TRMT2B: variants seen among roughly 807,000 people sequenced by gnomAD.
TRMT2B encodes the protein tRNA methyltransferase 2B.
In TRMT2B, 34 loss-of-function variants were observed where a neutral mutation model predicts 39.7. The ratio of observed to expected loss-of-function variants is 0.86; its 90% CI spans 0.65 to 1.14. The LOEUF (loss-of-function observed/expected upper bound fraction) is 1.14, where lower values mean the gene tolerates loss of function less well. Ranked by LOEUF, TRMT2B falls within the 50% of genes most tolerant of loss-of-function variation. The pLI is 0.00. For missense variants in TRMT2B, 318 were observed against 377.2 expected (o/e 0.84, Z 1.30); for synonymous variants, 132 against 137.3 (o/e 0.96, Z 0.27).
chrX:100,988,970 C>T, the TRMT2B span, among the ~76,000 whole-genome samples: 1 of 105,850 alleles, frequency 9.4e-6, no homozygotes, highest in South Asian at 4.2e-4. Flanking sequence ...ACCCAAAAAA[C>T]GATGCTCAAG....
chrX:100,986,937 A>G, the TRMT2B span: 1 of 996,112 alleles, frequency 1.0e-6, no homozygotes, highest in East Asian at 3.1e-5. Flanking sequence ...CTTCCTCTGG[A>G]GCCCAGCTGA....
chrX:101,042,143 C>T lies in TRMT2B; in HGVS notation c.147G>A (p.Lys49=), dbSNP rs898238838. 3.3e-6 allele frequency: 4 copies of T among 1,210,668 alleles called. No individual in the cohort carries two copies. In the African/African-American group the frequency reaches 7.0e-5, roughly 21 times the overall value. Residue 49 remains lysine, a synonymous_variant, in exon 3 of 14, where the codon AAG becomes AAA. Coordinates refer to ENST00000372936, the MANE Select transcript of TRMT2B (RefSeq NM_024917.6). ...TGGCTATCACACGGGTGAAATCTCC[C>T]TTACATACTGTGCCCAGAAAGAGCT... ...WSQLFLGTVC[K]GDFTRVIATK... is the part of the protein sequence containing the mutation.
the TRMT2B span, among the ~76,000 whole-genome samples, chrX:100,995,925 T>C: frequency 8.9e-6 from 1 of 112,020 alleles, no homozygotes; most frequent in African/African-American, 3.2e-5. Flanking sequence ...CACAGTTCTT[T>C]TACATTCCAC....
intron 13 of TRMT2B, among the ~76,000 whole-genome samples, chrX:101,011,850 C>T (rs1474442919): frequency 9.0e-6 from 1 of 111,560 alleles, no homozygotes; most frequent in African/African-American, 3.3e-5. Flanking sequence ...GCTGAGATCA[C>T]ACCACTATAC....
At chrX:101,041,135 T>G (rs1057303525) in intron 4 of TRMT2B, among the ~76,000 whole-genome samples, 182 bp downstream of exon 4, 10 of 110,603 alleles carry the variant, frequency 9.0e-5, no homozygotes, top group Non-Finnish European at 1.9e-4. Context: ...ACCTGGGAGG[T>G]GGAGGTTGTA....
In TRMT2B at chrX:101,021,300, G is replaced by A; in HGVS notation, c.867C>T (p.Cys289=). 8.3e-7 allele frequency: 1 copy of A among 1,208,815 alleles called. No individual in the cohort carries two copies. Among genetic ancestry groups the A allele is most frequent in the Non-Finnish European group, 1.1e-6 (1 of 893,461 alleles). The part of the protein sequence containing the change: ...LYFQESTMTR[C]SHQQSPYQLL... ...GCTGATAGGGAGACTGCTGATGGCT[G>A]CAACGGGTCATGGTACTGGAAAGGA... The change falls in exon 10 of 14, where the codon TGC becomes TGT. Residue 289 remains cysteine, a synonymous_variant. Coordinates refer to ENST00000372936, the MANE Select transcript of TRMT2B (RefSeq NM_024917.6).
intron 9 of TRMT2B, 70 bp from the exon 10 acceptor site, chrX:101,021,385 T>G (rs375679250): frequency 1.0e-6 from 1 of 983,744 alleles, no homozygotes; most frequent in African/African-American, 1.9e-5. Flanking sequence ...TCCCAGCACT[T>G]TGGGAGGCCG....
the TRMT2B span, among the ~76,000 whole-genome samples, chrX:100,995,875 A>G: frequency 1.3e-4 from 15 of 112,527 alleles, no homozygotes; most frequent in Admixed American, 1.3e-3. Context: ...GCATACATAT[A>G]AGAGCACTTC....
At chrX:100,989,333 C>T in the TRMT2B span, among the ~76,000 whole-genome samples, 1 of 111,202 alleles carries the variant, frequency 9.0e-6, no homozygotes, top group Admixed American at 9.6e-5. Flanking sequence ...TCTTTTTGGC[C>T]AGGCGTAGTG....
chrX:100,988,825 T>TTA, the TRMT2B span, among the ~76,000 whole-genome samples: 6 of 86,283 alleles, frequency 7.0e-5, no homozygotes, highest in African/African-American at 1.4e-4. Context: ...TACAAGAACT[T>TTA]TATATATATA....
the TRMT2B span, among the ~76,000 whole-genome samples, chrX:101,004,338 G>GA: frequency 2.8e-3 from 289 of 104,848 alleles, 2 homozygotes; most frequent in African/African-American, 9.0e-3. Context: ...CTATCACACA[G>GA]AAAAAAAAAA....
intron 6 of TRMT2B, 88 bp downstream of exon 6, chrX:101,036,886 A>G: frequency 1.4e-6 from 1 of 707,790 alleles, no homozygotes; most frequent in Non-Finnish European, 2.2e-6. Context: ...CTTCTTCTTT[A>G]AGGCCACCGT....
chrX:101,034,824 G>A (rs539685670), intron 7 of TRMT2B, among the ~76,000 whole-genome samples: 8 of 110,799 alleles, frequency 7.2e-5, no homozygotes, highest in African/African-American at 2.6e-4. Context: ...TTGAGGTCAG[G>A]AGTTCAAGAC....
At chrX:101,015,687 T>C in intron 13 of TRMT2B, 1 of 684,890 alleles carries the variant, frequency 1.5e-6, no homozygotes, top group Non-Finnish European at 1.7e-6. Flanking sequence ...TGCAAATTAT[T>C]TTCCAGTTTG....
the TRMT2B span, chrX:100,988,609 A>G: frequency 1.2e-6 from 1 of 850,128 alleles, no homozygotes; most frequent in Non-Finnish European, 1.5e-6. Flanking sequence ...GCCTTCCCTA[A>G]CAATTTCTAC....
chrX:100,991,899 A>G, the TRMT2B span, among the ~76,000 whole-genome samples: 32 of 104,183 alleles, frequency 3.1e-4, no homozygotes, highest in Non-Finnish European at 6.1e-4. Context: ...GGCAGTTTCC[A>G]GAGGACAGGA....
chrX:101,021,696 T>C (rs1401076996), intron 9 of TRMT2B, among the ~76,000 whole-genome samples: 1 of 111,982 alleles, frequency 8.9e-6, no homozygotes, highest in African/African-American at 3.2e-5. Context: ...CCCTAGTGGT[T>C]GGGTAGACAG....
intron 7 of TRMT2B, among the ~76,000 whole-genome samples, chrX:101,025,504 C>A (rs1025332625): frequency 2.3e-4 from 26 of 111,622 alleles, no homozygotes; most frequent in African/African-American, 8.5e-4. Flanking sequence ...AAACAAACCA[C>A]AAATTATGTA....
chrX:101,012,441 T>C (rs1197826258), intron 13 of TRMT2B, among the ~76,000 whole-genome samples: 2 of 107,431 alleles, frequency 1.9e-5, no homozygotes, highest in Non-Finnish European at 3.8e-5. Context: ...CATCTAGCAT[T>C]AGGTATATCT....
Sources: gnomAD v4.1 joint callset for allele counts (sites outside exome capture counted in the v4.1 genomes callset) on GRCh38, gnomAD v4.1.1 for gene constraint, MANE v1.5 for transcripts, NCBI Gene and HGNC (gene_info 2026-07-23, HGNC 2026-07-21) for gene names.